The following IL1RAPL1 variants were observed in gnomAD, a reference collection of about 807,000 sequenced individuals.
The protein encoded by IL1RAPL1 is interleukin 1 receptor accessory protein like 1, also known as interleukin-1 receptor accessory protein-like 1.
A neutral mutation model predicts 48.4 loss-of-function variants in IL1RAPL1; 3 were observed. The observed-to-expected ratio is 0.06, with a 90% CI of 0.03 to 0.16. The LOEUF is 0.16. IL1RAPL1 is among the 10% of genes least tolerant of loss of function. IL1RAPL1 has a pLI of 1.00. For synonymous variants in IL1RAPL1, 185 were observed against 187.7 expected, an observed-to-expected ratio of 0.99 and a Z score of 0.12; for missense variants, 349 against 530.6, an observed-to-expected ratio of 0.66 and a Z score of 3.36.
intron 2 of IL1RAPL1, among the ~76,000 whole-genome samples, chrX:28,836,404 G>C (rs1416919886): frequency 9.6e-6 from 1 of 103,732 alleles, no homozygotes; most frequent in African/African-American, 3.6e-5. Flanking sequence ...GACAGAGAGA[G>C]AGAGTCCATA....
At chrX:28,836,473 G>A (rs1292879044) in intron 2 of IL1RAPL1, among the ~76,000 whole-genome samples, 1 of 106,336 alleles carries the variant, frequency 9.4e-6, no homozygotes, top group Non-Finnish European at 1.9e-5. Context: ...TGAATTACAG[G>A]GTGTTAACTC....
At chrX:28,815,320 G>GT (rs200925917) in intron 2 of IL1RAPL1, among the ~76,000 whole-genome samples, 3,096 of 109,787 alleles carry the variant, frequency 0.028, 110 homozygotes, top group African/African-American at 0.096. Context: ...CTAGATTGAT[G>GT]TTTTTTCTTT....
chrX:29,744,194 C>T (rs113008285), intron 6 of IL1RAPL1, among the ~76,000 whole-genome samples: 4 of 110,753 alleles, frequency 3.6e-5, no homozygotes, highest in African/African-American at 1.0e-4. Flanking sequence ...ACTTCTTGTA[C>T]GTTTTCTATC....
In IL1RAPL1 at chrX:29,468,293, G is replaced by A. The variant is rs765914220; in HGVS notation, c.703+68985G>A. Among the ~76,000 whole-genome samples, 101 of 112,676 alleles carry A rather than the reference G, an allele frequency of 9.0e-4. 2 individuals are homozygous for A. The highest frequency in any genetic ancestry group is 2.8e-3 in the African/African-American group (87 of 31,061). The stretch of plus-strand genomic sequence containing the variant: ...TTATAAAGTAAAGATTGAAGGAAGC[G>A]TATTTACTGCTAATGGAAAGTATCG... On this transcript the variant is annotated intron_variant, in intron 5 of 10. Coordinates refer to ENST00000378993, the MANE Select transcript of IL1RAPL1 (RefSeq NM_014271.4).
intron 2 of IL1RAPL1, among the ~76,000 whole-genome samples, chrX:29,217,443 C>A (rs1930891463): frequency 8.9e-6 from 1 of 112,193 alleles, no homozygotes; most frequent in African/African-American, 3.2e-5. Flanking sequence ...TTTGTAACAA[C>A]TGTAGTTTAA....
chrX:29,042,721 A>G (rs1926873324), intron 2 of IL1RAPL1, among the ~76,000 whole-genome samples: 1 of 111,820 alleles, frequency 8.9e-6, no homozygotes, highest in Non-Finnish European at 1.9e-5. Flanking sequence ...ACACACATAA[A>G]AATGGACATT....
At chrX:29,657,521 T>C (rs769069566) in intron 5 of IL1RAPL1, among the ~76,000 whole-genome samples, 1 of 112,291 alleles carries the variant, frequency 8.9e-6, no homozygotes, top group South Asian at 3.7e-4. Flanking sequence ...TACATTATAC[T>C]ATACTTTAGA....
intron 6 of IL1RAPL1, among the ~76,000 whole-genome samples, chrX:29,690,588 T>G (rs1401576652): frequency 9.0e-6 from 1 of 111,619 alleles, no homozygotes; most frequent in Non-Finnish European, 1.9e-5. Context: ...TTTTCAAGTT[T>G]AATGGAATTT....
At chrX:29,605,069 TAAACACACACAC>T (rs1249577907) in intron 5 of IL1RAPL1, among the ~76,000 whole-genome samples, 7 of 54,183 alleles carry the variant, frequency 1.3e-4, no homozygotes, top group Non-Finnish European at 2.2e-4. Context: ...TCCTAAGTCT[TAAACACACACAC>T]ACACACACAC....
At chrX:29,433,011 T>G (rs12833991) in intron 5 of IL1RAPL1, among the ~76,000 whole-genome samples, 1 of 108,962 alleles carries the variant, frequency 9.2e-6, no homozygotes, top group African/African-American at 3.3e-5. Flanking sequence ...GCTTTTTTAG[T>G]TATTTTTTCC....
chrX:28,924,933 CTT>C (rs1923702804), intron 2 of IL1RAPL1, among the ~76,000 whole-genome samples: 1 of 112,104 alleles, frequency 8.9e-6, no homozygotes, highest in Non-Finnish European at 1.9e-5. Context: ...ATTAGTTGGA[CTT>C]TTCTTTATCA....
intron 1 of IL1RAPL1, among the ~76,000 whole-genome samples, chrX:28,640,537 G>A (rs766082960): frequency 1.8e-5 from 2 of 108,600 alleles, no homozygotes; most frequent in South Asian, 8.3e-4. Context: ...TTTTAGTAGA[G>A]ATGAGGTGTC....
chrX:29,045,745 A>G (rs1926941906), intron 2 of IL1RAPL1, among the ~76,000 whole-genome samples: 1 of 112,261 alleles, frequency 8.9e-6, no homozygotes, highest in East Asian at 2.8e-4. Flanking sequence ...AACACATTTT[A>G]AAACCATAGG....
At chrX:29,718,058 A>T (rs1370643979) in intron 6 of IL1RAPL1, among the ~76,000 whole-genome samples, 1 of 111,624 alleles carries the variant, frequency 9.0e-6, no homozygotes, top group African/African-American at 3.3e-5. Flanking sequence ...ATTCTTCCTC[A>T]TCTCCCCACA....
chrX:28,978,917 A>C (rs1925266987), intron 2 of IL1RAPL1, among the ~76,000 whole-genome samples: 1 of 112,174 alleles, frequency 8.9e-6, no homozygotes, highest in Non-Finnish European at 1.9e-5. Context: ...GAATGAATGC[A>C]TTGGAGGGCC....
intron 5 of IL1RAPL1, among the ~76,000 whole-genome samples, chrX:29,407,895 A>G (rs757368086): frequency 1.4e-3 from 160 of 112,484 alleles, no homozygotes; most frequent in African/African-American, 5.1e-3. Context: ...ATAATTTGAT[A>G]TGCATAAAAT....
chrX:29,814,030 T>A (rs2147179341), intron 6 of IL1RAPL1, among the ~76,000 whole-genome samples: 1 of 112,119 alleles, frequency 8.9e-6, no homozygotes, highest in East Asian at 2.8e-4. Flanking sequence ...TTTACCATTG[T>A]TAATAGTCCT....
intron 1 of IL1RAPL1, among the ~76,000 whole-genome samples, chrX:28,744,523 T>C (rs10126493): frequency 0.5 from 54,901 of 109,632 alleles, 10,383 homozygotes; most frequent in Middle Eastern, 0.73. Context: ...TTTGCAGTTT[T>C]GGAAAAGGAT....
At chrX:29,093,363 A>C (rs1017991676) in intron 2 of IL1RAPL1, among the ~76,000 whole-genome samples, 1 of 110,615 alleles carries the variant, frequency 9.0e-6, no homozygotes, top group African/African-American at 3.3e-5. Flanking sequence ...AGTTACTTTT[A>C]AATGACCAGA....
Sources: allele counts gnomAD v4.1 joint callset (sites outside exome capture counted in the v4.1 genomes callset), GRCh38; gene constraint gnomAD v4.1.1; transcripts MANE v1.5; gene names NCBI Gene and HGNC (gene_info 2026-07-23, HGNC 2026-07-21).